The following CREB5 variants were observed in gnomAD, a reference collection of about 807,000 sequenced individuals.
The protein encoded by CREB5 is cAMP responsive element binding protein 5, also known as cyclic AMP-responsive element-binding protein 5.
Under a neutral mutation model 57.1 loss-of-function variants are expected in CREB5, and 19 were observed. That is an observed-to-expected ratio of 0.33 (90% CI 0.23 to 0.49). The LOEUF is 0.49. Ranked by LOEUF, CREB5 falls within the 20% of genes least tolerant of loss-of-function variation. The pLI is 0.99. For synonymous variants in CREB5, 238 were observed against 238.3 expected, an observed-to-expected ratio of 1.00 and a Z score of 0.01; for missense variants, 579 against 671.6, an observed-to-expected ratio of 0.86 and a Z score of 1.52.
At chr7:28,339,046 A>T (rs760343884) in intron 1 of CREB5, among the ~76,000 whole-genome samples, 3 of 151,974 alleles carry the variant, frequency 2.0e-5, no homozygotes, top group Non-Finnish European at 4.4e-5. Context: ...AATTTCTTTG[A>T]GTTTCCTCAA....
intron 5 of CREB5, among the ~76,000 whole-genome samples, chr7:28,673,196 T>C (rs1800136021): frequency 1.3e-5 from 2 of 152,224 alleles, no homozygotes; most frequent in African/African-American, 4.8e-5. Context: ...CAATCTGGGA[T>C]ATTGAATTTC....
chr7:28,752,269 T>G (rs1562617264), intron 7 of CREB5, among the ~76,000 whole-genome samples: 1 of 152,098 alleles, frequency 6.6e-6, no homozygotes, highest in Non-Finnish European at 1.5e-5. Context: ...CGGGTTCAAG[T>G]GATTCTCCTG....
intron 7 of CREB5, among the ~76,000 whole-genome samples, chr7:28,793,526 T>A (rs562099519): frequency 6.6e-6 from 1 of 152,246 alleles, no homozygotes; most frequent in Admixed American, 6.5e-5. Context: ...TGGGAGAAGG[T>A]TCCATCTCCA....
chr7:28,610,317 CAGA>C (rs964200274), intron 5 of CREB5, among the ~76,000 whole-genome samples: 1 of 152,076 alleles, frequency 6.6e-6, no homozygotes, highest in Admixed American at 6.6e-5. Flanking sequence ...TGGGTTTTTA[CAGA>C]AGTTGATAGC....
At chr7:28,597,454 C>T (rs1400101867) in intron 5 of CREB5, among the ~76,000 whole-genome samples, 2 of 152,166 alleles carry the variant, frequency 1.3e-5, no homozygotes, top group South Asian at 2.1e-4. Context: ...ACCAATAAAA[C>T]GTGCTAACAG....
chr7:28,750,171 T>C (rs912136858), intron 7 of CREB5, among the ~76,000 whole-genome samples: 12 of 152,148 alleles, frequency 7.9e-5, no homozygotes, highest in Non-Finnish European at 1.8e-4. Flanking sequence ...AGCTCAGTGA[T>C]ACAACAAATA....
chr7:28,729,371 G>A (rs1449401223), intron 7 of CREB5, among the ~76,000 whole-genome samples: 2 of 152,184 alleles, frequency 1.3e-5, no homozygotes, highest in Admixed American at 6.5e-5. Flanking sequence ...CTGTCGGCTC[G>A]TGGTTTCCTC....
At chr7:28,672,882 A>T (rs1800119102) in intron 5 of CREB5, among the ~76,000 whole-genome samples, 1 of 152,210 alleles carries the variant, frequency 6.6e-6, no homozygotes, top group Non-Finnish European at 1.5e-5. Flanking sequence ...TGTATTAACA[A>T]AGTACTTTGA....
intron 4 of CREB5, among the ~76,000 whole-genome samples, chr7:28,515,369 C>T (rs1792898819): frequency 6.6e-6 from 1 of 152,206 alleles, no homozygotes; most frequent in Non-Finnish European, 1.5e-5. Flanking sequence ...TACACCTTCT[C>T]TTCAGAAAAC....
At chr7:28,784,880 CTGTT>C (rs949624637) in intron 7 of CREB5, among the ~76,000 whole-genome samples, 2 of 152,172 alleles carry the variant, frequency 1.3e-5, no homozygotes, top group Non-Finnish European at 2.9e-5. Flanking sequence ...GCTTGATGCA[CTGTT>C]TGCTTTTCAC....
At chr7:28,403,910 G>A (rs890968037) in intron 1 of CREB5, among the ~76,000 whole-genome samples, 14 of 152,206 alleles carry the variant, frequency 9.2e-5, no homozygotes, top group African/African-American at 3.4e-4. Flanking sequence ...AAATTAAAAT[G>A]TTACATTATT....
chr7:28,420,995 T>G (rs1002403370), intron 1 of CREB5, among the ~76,000 whole-genome samples: 8 of 152,174 alleles, frequency 5.3e-5, no homozygotes, highest in African/African-American at 1.9e-4. Context: ...TGCATTCACT[T>G]ATTTTTATTT....
chr7:28,745,052 C>A (rs998248989), intron 7 of CREB5, among the ~76,000 whole-genome samples: 4 of 152,198 alleles, frequency 2.6e-5, no homozygotes, highest in African/African-American at 9.7e-5. Context: ...GCATGCTGAC[C>A]GTGTACTGTG....
At chr7:28,774,230 T>C (rs529715719) in intron 7 of CREB5, among the ~76,000 whole-genome samples, 38 of 152,218 alleles carry the variant, frequency 2.5e-4, no homozygotes, top group Non-Finnish European at 1.2e-4. Flanking sequence ...TTTCAACTGG[T>C]GGGTAAAACC....
rs10696255 is a variant in CREB5 at position 28,660,381 on chromosome 7, GTT to G, written c.465-58353_465-58352del. ...CAAACTATCATCTATGCATTCAACA[GTT>G]TTTTTTTTTTTTTTTTTTGAGCATG... On this transcript the variant is annotated intron_variant, in intron 5 of 10. Transcript: ENST00000357727. Among the ~76,000 whole-genome samples the G allele has an allele frequency of 1.5e-4, 18 of 119,250 alleles. No individual in the cohort carries two copies. In the South Asian group the frequency reaches 3.4e-3, roughly 22 times the overall value. 78.2% of individuals were successfully genotyped at this position (119,250 alleles called of 152,430 possible). A position where few individuals can be genotyped will look rare whatever the true frequency, so the allele number is the denominator to read the frequency against.
rs1792424430 is a variant in CREB5 at position 28,505,078 on chromosome 7, G to T, written c.170-2538G>T. Reference sequence around the variant, plus strand: ...AGTCACATTATCAGGCCTGGGGCAGGTCTCAGTTTCTTCATATGTAAACCA... The same window carrying T: ...AGTCACATTATCAGGCCTGGGGCAGTTCTCAGTTTCTTCATATGTAAACCA... On this transcript the variant is annotated intron_variant, in intron 3 of 10. Coordinates refer to ENST00000357727, the MANE Select transcript of CREB5 (RefSeq NM_182898.4). Among the ~76,000 whole-genome samples the T allele has an allele frequency of 2.0e-5, 3 of 152,250 alleles. No homozygotes were observed. In the South Asian group the frequency reaches 6.2e-4, roughly 32 times the overall value.
chr7:28,804,627 G>A, intron 8 of CREB5, 105 bp downstream of exon 8: 1 of 1,388,734 alleles, frequency 7.2e-7, no homozygotes. Flanking sequence ...AAGCCCAGGT[G>A]TTCTATCTCA....
intron 5 of CREB5, among the ~76,000 whole-genome samples, chr7:28,665,377 C>T (rs749170541): frequency 6.6e-6 from 1 of 152,190 alleles, no homozygotes; most frequent in Non-Finnish European, 1.5e-5. Context: ...ATCTACCTCC[C>T]TTCCTTCCTC....
chr7:28,718,891 T>C lies in CREB5; in HGVS notation c.591+12T>C. 6.2e-7 allele frequency: 1 copy of C among 1,613,996 alleles called. No homozygotes were observed. The highest frequency in any genetic ancestry group is 2.2e-5 in the East Asian group (1 of 44,880). ...CCGTCTTGATGCCAGTAAGTGTTTCTGTGTGTCTCACAATAGCTTGTCACT... is the reference window on the plus strand; with the variant it reads ...CCGTCTTGATGCCAGTAAGTGTTTCCGTGTGTCTCACAATAGCTTGTCACT... On this transcript the variant is annotated intron_variant, in intron 6 of 10. Transcript: ENST00000357727.
Sources: allele counts gnomAD v4.1 joint callset (sites outside exome capture counted in the v4.1 genomes callset), GRCh38; gene constraint gnomAD v4.1.1; transcripts MANE v1.5; gene names NCBI Gene and HGNC (gene_info 2026-07-23, HGNC 2026-07-21).